KIF18A: variants seen among roughly 807,000 people sequenced by gnomAD.
The protein encoded by KIF18A is kinesin-like protein KIF18A.
A neutral mutation model predicts 103.3 loss-of-function variants in KIF18A; 67 were observed. The observed-to-expected ratio is 0.65, with a 90% CI of 0.53 to 0.79. The LOEUF is 0.79. KIF18A is among the 30% of genes least tolerant of loss of function. The pLI is 0.00. For missense variants in KIF18A, 1,032 were observed against 1,062.5 expected, an observed-to-expected ratio of 0.97 and a Z score of 0.40; for synonymous variants, 367 against 355.5, an observed-to-expected ratio of 1.03 and a Z score of -0.36.
intron 10 of KIF18A, among the ~76,000 whole-genome samples, chr11:28,075,215 G>A (rs184283704): frequency 1.2e-4 from 18 of 152,070 alleles, no homozygotes; most frequent in African/African-American, 3.9e-4. Flanking sequence ...TCTTTATCCT[G>A]CATTTGGTGT....
At chr11:28,100,474 T>C (rs551396250) in intron 1 of KIF18A, among the ~76,000 whole-genome samples, 105 of 138,776 alleles carry the variant, frequency 7.6e-4, no homozygotes, top group Non-Finnish European at 1.3e-3. Flanking sequence ...GGGGCAGTAG[T>C]GGGGAAAAAA....
rs1296353869 is a variant in KIF18A, at chr11:28,069,340, C to T, written c.1509G>A (p.Lys503=). ...GCCAATTAGTATTCTCATCAAATTGCTTCAATTCCTCCTCCCTCCTTTTCT... is the reference window on the plus strand; with the variant it reads ...GCCAATTAGTATTCTCATCAAATTGTTTCAATTCCTCCTCCCTCCTTTTCT... The part of the protein sequence containing the change: ...YLEKRREEEL[K]QFDENTNWLH... The change falls in exon 11 of 17, where the codon AAG becomes AAA. Residue 503 remains lysine (K), a synonymous_variant. Coordinates refer to ENST00000263181, the MANE Select transcript of KIF18A (RefSeq NM_031217.4). 17 of 1,613,590 alleles carry T rather than the reference C, an allele frequency of 1.1e-5. No homozygotes were observed. Among genetic ancestry groups the T allele is most frequent in the Non-Finnish European group, 1.4e-5 (17 of 1,179,676 alleles).
chr11:28,047,441 C>T (rs1850651077), intron 13 of KIF18A, among the ~76,000 whole-genome samples: 1 of 152,106 alleles, frequency 6.6e-6, no homozygotes, highest in Admixed American at 6.6e-5. Flanking sequence ...TGAATCTCTA[C>T]TTTAAAAGAG....
chr11:28,088,023 A>G (rs1279597905), intron 6 of KIF18A, among the ~76,000 whole-genome samples: 1 of 152,154 alleles, frequency 6.6e-6, no homozygotes, highest in African/African-American at 2.4e-5. Context: ...TATGCCCAGA[A>G]GCATCTAGTA....
chr11:28,075,091 A>T (rs1261757160), intron 10 of KIF18A, among the ~76,000 whole-genome samples: 2 of 152,140 alleles, frequency 1.3e-5, no homozygotes, highest in Non-Finnish European at 2.9e-5. Flanking sequence ...ATTTTTGCAT[A>T]TTGCTCTTTT....
At chr11:28,058,828 A>G (rs1241904560) in intron 13 of KIF18A, 98 bp downstream of exon 13, 2 of 879,778 alleles carry the variant, frequency 2.3e-6, no homozygotes, top group Non-Finnish European at 3.5e-6. Context: ...TTCATAAAAT[A>G]GACAAACCTA....
At chr11:28,063,107 A>C (rs74930417) in intron 11 of KIF18A, among the ~76,000 whole-genome samples, 167 of 152,184 alleles carry the variant, frequency 1.1e-3, no homozygotes, top group Non-Finnish European at 1.8e-3. Flanking sequence ...CATATGGTTG[A>C]TATCACCTTT....
chr11:28,096,451 A>C (rs1037854214), intron 2 of KIF18A, among the ~76,000 whole-genome samples: 1 of 152,148 alleles, frequency 6.6e-6, no homozygotes, highest in Non-Finnish European at 1.5e-5. Context: ...GCTTATTCTT[A>C]AGCTTATTCT....
At chr11:28,092,090 C>T (rs748696586) in intron 3 of KIF18A, among the ~76,000 whole-genome samples, 6 of 152,176 alleles carry the variant, frequency 3.9e-5, no homozygotes, top group Non-Finnish European at 7.4e-5. Flanking sequence ...GCTGGGATTA[C>T]AGGCGTGAGC....
chr11:28,103,514 A>C (rs1851469942), intron 1 of KIF18A, among the ~76,000 whole-genome samples: 1 of 152,042 alleles, frequency 6.6e-6, no homozygotes, highest in Non-Finnish European at 1.5e-5. Context: ...TATGATACGG[A>C]AAGTCTTTTT....
At chr11:28,049,294 G>C (rs1004913407) in intron 13 of KIF18A, among the ~76,000 whole-genome samples, 1 of 151,824 alleles carries the variant, frequency 6.6e-6, no homozygotes, top group Non-Finnish European at 1.5e-5. Context: ...TTCACAGATG[G>C]TTCCTTTACA....
intron 9 of KIF18A, among the ~76,000 whole-genome samples, chr11:28,080,487 T>C (rs1851151849): frequency 6.6e-6 from 1 of 152,092 alleles, no homozygotes; most frequent in Non-Finnish European, 1.5e-5. Context: ...AACTTTTTCA[T>C]TATTACATAT....
intron 13 of KIF18A, among the ~76,000 whole-genome samples, chr11:28,050,964 T>C (rs939071198): frequency 6.6e-6 from 1 of 151,828 alleles, no homozygotes; most frequent in Admixed American, 6.6e-5. Flanking sequence ...GGCTTATTAA[T>C]TTAAGAAAAG....
chr11:28,027,184 A>C lies in KIF18A; in HGVS notation c.2505-3334T>G, dbSNP rs575763483. 2.0e-5 allele frequency among the ~76,000 whole-genome samples: 3 copies of C among 151,878 alleles called. No individual in the cohort carries two copies. In the East Asian group the frequency reaches 5.8e-4, roughly 29 times the overall value. ...AAGAGTCATTTTAAGGTCTTCTATA[A>C]ACTTTTCTCCCCATAATCACATAGC... is the stretch of plus-strand genomic sequence containing the variant. On this transcript the variant is annotated intron_variant, in intron 15 of 16. Coordinates refer to ENST00000263181, the MANE Select transcript of KIF18A (RefSeq NM_031217.4).
intron 1 of KIF18A, among the ~76,000 whole-genome samples, chr11:28,106,165 C>T (rs1851500738): frequency 6.6e-6 from 1 of 152,144 alleles, no homozygotes; most frequent in African/African-American, 2.4e-5. Context: ...TCTAAAGTCT[C>T]CAATGACTTC....
intron 13 of KIF18A, among the ~76,000 whole-genome samples, chr11:28,042,319 AGC>A (rs2133502512): frequency 6.6e-6 from 1 of 152,008 alleles, no homozygotes; most frequent in East Asian, 1.9e-4. Context: ...TGTTAAAAAC[AGC>A]ATCTCTTTTT....
At chr11:28,025,566 A>G (rs1035916276) in intron 15 of KIF18A, among the ~76,000 whole-genome samples, 9 of 151,974 alleles carry the variant, frequency 5.9e-5, no homozygotes, top group Admixed American at 4.6e-4. Context: ...CCATTTGATT[A>G]GAACTCATAT....
chr11:28,024,870 C>CG (rs530393206), intron 15 of KIF18A, among the ~76,000 whole-genome samples: 77 of 151,820 alleles, frequency 5.1e-4, no homozygotes, highest in African/African-American at 1.8e-3. Flanking sequence ...CCCTTATCGA[C>CG]GGGGGGGATA....
intron 16 of KIF18A, among the ~76,000 whole-genome samples, chr11:28,022,521 C>A (rs1850260415): frequency 6.6e-6 from 1 of 152,126 alleles, no homozygotes; most frequent in African/African-American, 2.4e-5. Flanking sequence ...CCCGCCTCAG[C>A]CTCCCAAAGT....
Sources: allele counts gnomAD v4.1 joint callset (sites outside exome capture counted in the v4.1 genomes callset), GRCh38; gene constraint gnomAD v4.1.1; transcripts MANE v1.5; gene names NCBI Gene and HGNC (gene_info 2026-07-23, HGNC 2026-07-21).